The following YES1 variants were observed in gnomAD, a reference collection of about 807,000 sequenced individuals.
YES1 encodes the protein tyrosine-protein kinase Yes.
Under a neutral mutation model 70.4 loss-of-function variants are expected in YES1, and 39 were observed. The observed-to-expected ratio is 0.55, with a 90% CI of 0.43 to 0.72. The LOEUF (loss-of-function observed/expected upper bound fraction) is 0.72, where lower values mean the gene tolerates loss of function less well. YES1 is among the 30% of genes least tolerant of loss of function. The pLI, the probability that YES1 is intolerant of heterozygous loss-of-function variation, is 0.00. For missense variants in YES1, 495 were observed against 644.8 expected, an observed-to-expected ratio of 0.77 and a Z score of 2.52; for synonymous variants, 198 against 218.6, an observed-to-expected ratio of 0.91 and a Z score of 0.83.
At chr18:785,943 T>A (rs1333349192) in intron 1 of YES1, among the ~76,000 whole-genome samples, 1 of 152,080 alleles carries the variant, frequency 6.6e-6, no homozygotes, top group Non-Finnish European at 1.5e-5. Flanking sequence ...CTTTTTAAAG[T>A]GAGTTTCTCT....
intron 9 of YES1, 139 bp from the exon 10 acceptor site, chr18:737,100 A>C: frequency 1.4e-6 from 1 of 691,240 alleles, no homozygotes. Flanking sequence ...GGTATAGTCT[A>C]GAAGATAACA....
Position 747,941 on chromosome 18 carries a change from G to A in YES1, c.449C>T (p.Ala150Val). ...GYIPSNYVAP[A>V]DSIQAEEWYF... ...ATACTCTTCTGCCTGAATGGAATCT[G>A]CAGGCGCTACATAATTGCTCGGGAT... The change falls in exon 4 of 12, where the codon GCA becomes GTA. Residue 150 changes from alanine to valine, a missense_variant. Ala to Val is a moderately conservative substitution (Grantham distance 64, BLOSUM62 0). Around this residue, in one of 2 missense-constraint regions of YES1, gnomAD observed 385 missense variants for 540.9 expected, o/e 0.71. Coordinates refer to ENST00000314574, the MANE Select transcript of YES1 (RefSeq NM_005433.4). 1 of 1,613,534 alleles carries A rather than the reference G, an allele frequency of 6.2e-7. No individual in the cohort carries two copies. The highest frequency in any genetic ancestry group is 8.5e-7 in the Non-Finnish European group (1 of 1,179,898).
At chr18:740,245 G>A (rs1378089642) in intron 8 of YES1, among the ~76,000 whole-genome samples, 1 of 152,158 alleles carries the variant, frequency 6.6e-6, no homozygotes, top group Admixed American at 6.6e-5. Flanking sequence ...CTCTCTCTCT[G>A]AAAACTACAA....
Position 756,538 on chromosome 18 carries a change from T to TTG in YES1, c.271+17_271+18dup. On this transcript the variant is annotated intron_variant, in intron 2 of 11. Transcript: ENST00000314574. Reference sequence around the variant, plus strand: ...TGATGTTCTCAAACAGACAACATAATTGTCCATTTAAATCTCACCTGTTAA... The same window carrying TTG: ...TGATGTTCTCAAACAGACAACATAATTGTGTCCATTTAAATCTCACCTGTTAA... 1 of 1,613,492 alleles carries TTG rather than the reference T, an allele frequency of 6.2e-7. No individual in the cohort carries two copies. The highest frequency in any genetic ancestry group is 1.1e-5 in the South Asian group (1 of 91,030).
chr18:806,921 A>G (rs1945516529), intron 1 of YES1, among the ~76,000 whole-genome samples: 1 of 152,196 alleles, frequency 6.6e-6, no homozygotes, highest in Admixed American at 6.5e-5. Context: ...TTCCAAAGAC[A>G]AGATAAGTCA....
chr18:767,032 C>G (rs564971016), intron 1 of YES1, among the ~76,000 whole-genome samples: 1 of 151,998 alleles, frequency 6.6e-6, no homozygotes, highest in East Asian at 1.9e-4. Flanking sequence ...AATTCTTCAC[C>G]AGAAGATTTT....
At chr18:791,842 G>A (rs1232124258) in intron 1 of YES1, among the ~76,000 whole-genome samples, 1 of 151,754 alleles carries the variant, frequency 6.6e-6, no homozygotes, top group Non-Finnish European at 1.5e-5. Context: ...ATTACTTGAG[G>A]TCAGGAGTTT....
intron 1 of YES1, chr18:798,203 G>C (rs752033801): frequency 1.3e-5 from 2 of 152,146 alleles, no homozygotes; most frequent in Non-Finnish European, 2.9e-5. Flanking sequence ...TTTCAGAAAT[G>C]AGAAGATAAA....
At chr18:732,721 AG>A in intron 11 of YES1, 112 bp downstream of exon 11, 2 of 1,357,984 alleles carry the variant, frequency 1.5e-6, no homozygotes, top group Non-Finnish European at 2.1e-6. Flanking sequence ...AGGGAGAGGC[AG>A]GGGGACTATG....
At chr18:748,655 T>C (rs532019380) in intron 3 of YES1, among the ~76,000 whole-genome samples, 3 of 152,338 alleles carry the variant, frequency 2.0e-5, no homozygotes, top group East Asian at 3.9e-4. Flanking sequence ...TGGTCTTTTG[T>C]AATTGACTTC....
chr18:741,742 T>G (rs1229423385), intron 8 of YES1, among the ~76,000 whole-genome samples: 1 of 152,092 alleles, frequency 6.6e-6, no homozygotes, highest in Non-Finnish European at 1.5e-5. Flanking sequence ...AGGTCCAAGC[T>G]GCAGAGAAAT....
chr18:788,665 T>C (rs1476368549), intron 1 of YES1, among the ~76,000 whole-genome samples: 1 of 152,138 alleles, frequency 6.6e-6, no homozygotes, highest in Non-Finnish European at 1.5e-5. Flanking sequence ...ACGCCTGTAA[T>C]CCCCGGCACT....
At chr18:797,014 C>T (rs1184884273) in intron 1 of YES1, among the ~76,000 whole-genome samples, 1 of 152,044 alleles carries the variant, frequency 6.6e-6, no homozygotes, top group Non-Finnish European at 1.5e-5. Context: ...GAATTTTTAA[C>T]ATCATCTTCA....
intron 1 of YES1, among the ~76,000 whole-genome samples, chr18:758,794 A>G (rs1231820921): frequency 4.6e-5 from 7 of 152,182 alleles, no homozygotes; most frequent in Non-Finnish European, 1.0e-4. Flanking sequence ...CACTCCTTCA[A>G]AACAAGAGTT....
intron 1 of YES1, among the ~76,000 whole-genome samples, chr18:759,470 AAAAC>A (rs1904464482): frequency 6.6e-6 from 1 of 152,230 alleles, no homozygotes; most frequent in African/African-American, 2.4e-5. Flanking sequence ...TCCGTCTCAA[AAAAC>A]AAACAACAAA....
chr18:724,758 C>G, intron 11 of YES1, 126 bp from the exon 12 acceptor site: 1 of 690,860 alleles, frequency 1.4e-6, no homozygotes, highest in African/African-American at 1.8e-5. Flanking sequence ...TTTAACAAAG[C>G]AACAAAATAA....
chr18:801,524 T>A, intron 1 of YES1, among the ~76,000 whole-genome samples: 1 of 152,186 alleles, frequency 6.6e-6, no homozygotes, highest in Non-Finnish European at 1.5e-5. Flanking sequence ...CTGCAACACG[T>A]CTGAAATTTT....
chr18:811,827 T>C (rs1048744807), intron 1 of YES1, among the ~76,000 whole-genome samples: 1 of 151,576 alleles, frequency 6.6e-6, no homozygotes, highest in Non-Finnish European at 1.5e-5. Context: ...AGACAAGGGG[T>C]GGGGAGTGTC....
At chr18:807,331 C>CA (rs34717750) in intron 1 of YES1, among the ~76,000 whole-genome samples, 26,930 of 125,532 alleles carry the variant, frequency 0.21, 2,819 homozygotes, top group East Asian at 0.33. Flanking sequence ...GATACTTCAT[C>CA]AAAAAAAAAA....
Sources: gnomAD v4.1 joint callset for allele counts (sites outside exome capture counted in the v4.1 genomes callset) on GRCh38, gnomAD v4.1.1 for gene constraint, gnomAD v4.1.1 regional missense constraint, MANE v1.5 for transcripts, NCBI Gene and HGNC (gene_info 2026-07-23, HGNC 2026-07-21) for gene names.